The following GRM7 variants were observed in gnomAD, a reference collection of about 807,000 sequenced individuals.
The protein encoded by GRM7 is metabotropic glutamate receptor 7.
A neutral mutation model predicts 84.5 loss-of-function variants in GRM7; 35 were observed. The ratio of observed to expected loss-of-function variants is 0.41; its 90% CI spans 0.32 to 0.55. The LOEUF is 0.55. Among genes scored for constraint, GRM7 ranks in the 20% least tolerant of loss-of-function variants. The pLI, the probability that GRM7 is intolerant of heterozygous loss-of-function variation, is 0.19. For synonymous variants in GRM7, 487 were observed against 455.1 expected, an observed-to-expected ratio of 1.07 and a Z score of -0.89; for missense variants, 1,003 against 1,194.6, an observed-to-expected ratio of 0.84 and a Z score of 2.36.
At chr3:6,979,658 T>C (rs1201062684) in intron 1 of GRM7, among the ~76,000 whole-genome samples, 1 of 152,192 alleles carries the variant, frequency 6.6e-6, no homozygotes, top group African/African-American at 2.4e-5. Flanking sequence ...ATTATTGATA[T>C]AACCAAATGA....
At chr3:7,338,144 C>CA (rs1209955966) in intron 4 of GRM7, among the ~76,000 whole-genome samples, 1 of 131,180 alleles carries the variant, frequency 7.6e-6, no homozygotes, top group African/African-American at 3.2e-5. Context: ...ACACACACAC[C>CA]CCATGGAATA....
intron 4 of GRM7, 126 bp downstream of exon 4, chr3:7,306,778 A>G (rs1575147014): frequency 2.8e-6 from 2 of 719,716 alleles, no homozygotes; most frequent in East Asian, 5.9e-5. Context: ...TCAAACTTAT[A>G]GCCATGAAAT....
chr3:7,701,864 A>G (rs1575650578), intron 9 of GRM7, among the ~76,000 whole-genome samples: 1 of 152,202 alleles, frequency 6.6e-6, no homozygotes, highest in African/African-American at 2.4e-5. Flanking sequence ...GCTCCATGAC[A>G]GTGGGAACCG....
chr3:7,737,213 T>C (rs1702533323), intron 9 of GRM7, among the ~76,000 whole-genome samples: 1 of 152,188 alleles, frequency 6.6e-6, no homozygotes, highest in Admixed American at 6.5e-5. Context: ...TTGGAATATC[T>C]TACCTTTCTT....
Position 7,670,939 on chromosome 3 carries a change from T to G in GRM7, c.2452-9110T>G, listed in dbSNP as rs141998916. Among the ~76,000 whole-genome samples the G allele has an allele frequency of 1.2e-4, 18 of 152,274 alleles. No homozygotes were observed. In the East Asian group the frequency reaches 3.5e-3, roughly 29 times the overall value. On this transcript the variant is annotated intron_variant, in intron 8 of 9. Transcript: ENST00000357716. Reference sequence around the variant, plus strand: ...GCAGGAGTCGTCTCTCCAGGATAACTATAGGGAAAATGCTGTGCTTTTGTA... The same window carrying G: ...GCAGGAGTCGTCTCTCCAGGATAACGATAGGGAAAATGCTGTGCTTTTGTA...
Position 7,321,597 on chromosome 3 carries a change from G to A in GRM7, c.1033+14945G>A, listed in dbSNP as rs911267995. On this transcript the variant is annotated intron_variant, in intron 4 of 9. Coordinates refer to ENST00000357716, the MANE Select transcript of GRM7 (RefSeq NM_000844.4). The stretch of plus-strand genomic sequence containing the variant: ...CATAGTTTAACACTCTTGGGTTTGT[G>A]GCAGTTTTATGTTTGTTTTTTTTTT... Among the ~76,000 whole-genome samples the A allele has an allele frequency of 2.0e-5, 3 of 151,420 alleles. No individual in the cohort carries two copies. The East Asian group carries it at 5.8e-4, about 29-fold the overall frequency.
intron 8 of GRM7, among the ~76,000 whole-genome samples, chr3:7,603,516 AAAATTGTGCAAGCT>A (rs1696418439): frequency 6.6e-6 from 1 of 152,174 alleles, no homozygotes; most frequent in Admixed American, 6.6e-5. Context: ...ATCCCAGAGA[AAAATTGTGCAAGCT>A]AGTTAAATTT....
chr3:7,564,695 T>C (rs1375810388), intron 7 of GRM7, among the ~76,000 whole-genome samples: 1 of 152,208 alleles, frequency 6.6e-6, no homozygotes, highest in Admixed American at 6.5e-5. Context: ...CTGCCATGTC[T>C]CAGGCATCAT....
At chr3:7,560,473 T>G (rs1411042246) in intron 7 of GRM7, 2 of 152,082 alleles carry the variant, frequency 1.3e-5, no homozygotes. Flanking sequence ...CTGGATGCAT[T>G]CTCTGATTTT....
At position 6,949,108 on chromosome 3, in the gene GRM7, C is replaced by T. The variant is rs1040127947; in HGVS notation, c.519+87201C>T. ...TTTTATCCTATCATTATGATGTTAG[C>T]TGGTTATTTTGCTCATTAGTTGATG... On this transcript the variant is annotated intron_variant, in intron 1 of 9. Transcript: ENST00000357716. Among the ~76,000 whole-genome samples, 19 of 152,104 alleles carry T rather than the reference C, an allele frequency of 1.2e-4. 1 individual carries two copies. The highest frequency in any genetic ancestry group is 2.6e-4 in the Admixed American group (4 of 15,272).
intron 2 of GRM7, among the ~76,000 whole-genome samples, chr3:7,155,479 G>C (rs1395140461): frequency 6.6e-6 from 1 of 151,992 alleles, no homozygotes; most frequent in Non-Finnish European, 1.5e-5. Context: ...ATGAAAGTGG[G>C]CATCGGAATT....
At chr3:7,649,769 T>C (rs566875924) in intron 8 of GRM7, among the ~76,000 whole-genome samples, 1 of 151,936 alleles carries the variant, frequency 6.6e-6, no homozygotes, top group Admixed American at 6.5e-5. Flanking sequence ...CCTAATCATA[T>C]AACATGGCCT....
At chr3:7,099,371 T>C (rs962291716) in intron 1 of GRM7, among the ~76,000 whole-genome samples, 4 of 147,870 alleles carry the variant, frequency 2.7e-5, no homozygotes, top group African/African-American at 9.8e-5. Context: ...TGTATACATA[T>C]ATACATATAT....
In GRM7 at chr3:7,008,931, A is replaced by G. The variant is rs184846974; in HGVS notation, c.520-137521A>G. Among the ~76,000 whole-genome samples, 6 of 152,334 alleles carry G rather than the reference A, an allele frequency of 3.9e-5. No homozygotes were observed. In the East Asian group the frequency reaches 1.2e-3, roughly 29 times the overall value. On this transcript the variant is annotated intron_variant, in intron 1 of 9. Coordinates refer to ENST00000357716, the MANE Select transcript of GRM7 (RefSeq NM_000844.4). Reference sequence around the variant, plus strand: ...TATTTTTTTTAATCTGGAAAATGGCAGGTGATAATGACTATCTCATAAAAT... The same window carrying G: ...TATTTTTTTTAATCTGGAAAATGGCGGGTGATAATGACTATCTCATAAAAT...
In GRM7 at chr3:7,452,817, C is replaced by G; in HGVS notation, c.1375+10C>G. The G allele has an allele frequency of 6.4e-7, 1 of 1,567,042 alleles. No homozygotes were observed. Among genetic ancestry groups the G allele is most frequent in the Non-Finnish European group, 8.8e-7 (1 of 1,138,452 alleles). On this transcript the variant is annotated intron_variant, in intron 6 of 9. Transcript: ENST00000357716. ...AATGTTAATTTCAATGGTGAGTCTC[C>G]AAAAATCCATCCTTTTTGGAATCCT...
Position 7,172,377 on chromosome 3 carries a change from A to G in GRM7, c.736+25709A>G, listed in dbSNP as rs552223072. On this transcript the variant is annotated intron_variant, in intron 2 of 9. Transcript: ENST00000357716. ...GAACAGGATGATTTCCTAGCCATGT[A>G]TCTATGACACTGTGGCCTTAACTCT... is the stretch of plus-strand genomic sequence containing the variant. 2.9e-4 allele frequency among the ~76,000 whole-genome samples: 44 copies of G among 152,260 alleles called. 1 individual carries two copies. In the South Asian group the frequency reaches 8.3e-3, roughly 29 times the overall value.
intron 2 of GRM7, among the ~76,000 whole-genome samples, chr3:7,172,350 G>A (rs1426850500): frequency 1.3e-5 from 2 of 152,142 alleles, no homozygotes; most frequent in Non-Finnish European, 2.9e-5. Flanking sequence ...AGGTAAGGAA[G>A]TGAACAGGAT....
rs3063449 is a variant in GRM7 at position 6,998,119 on chromosome 3, CAAAA to C, written c.519+136229_519+136232del. 7.3e-3 allele frequency among the ~76,000 whole-genome samples: 134 copies of C among 18,438 alleles called. 10 individuals are homozygous for C. Among genetic ancestry groups the C allele is most frequent in the Admixed American group, 0.037 (29 of 784 alleles). 12.1% of individuals were successfully genotyped at this position (18,438 alleles called of 152,430 possible). On this transcript the variant is annotated intron_variant, in intron 1 of 9. Coordinates refer to ENST00000357716, the MANE Select transcript of GRM7 (RefSeq NM_000844.4). Reference sequence around the variant, plus strand: ...GGGCAAAAACAGCAAATCTCCATCTCAAAAAAAAAAAAAAAAAAAAGCAGGTTAG... The same window carrying C: ...GGGCAAAAACAGCAAATCTCCATCTCAAAAAAAAAAAAAAAAGCAGGTTAG...
intron 7 of GRM7, among the ~76,000 whole-genome samples, chr3:7,516,624 TC>T (rs542059578): frequency 2.0e-5 from 3 of 151,716 alleles, no homozygotes; most frequent in African/African-American, 4.8e-5. Context: ...TCACTGAAGG[TC>T]CTTGGTGAGC....
Sources: gnomAD v4.1 joint callset for allele counts (sites outside exome capture counted in the v4.1 genomes callset) on GRCh38, gnomAD v4.1.1 for gene constraint, MANE v1.5 for transcripts, NCBI Gene and HGNC (gene_info 2026-07-23, HGNC 2026-07-21) for gene names.